The following BET1 variants were observed in gnomAD, a reference collection of about 807,000 sequenced individuals.
BET1 encodes the protein BET1 homolog.
Under a neutral mutation model 13.9 loss-of-function variants are expected in BET1, and 9 were observed. That is an observed-to-expected ratio of 0.65 (90% confidence interval 0.39 to 1.13). The LOEUF (loss-of-function observed/expected upper bound fraction) is 1.13, where lower values mean the gene tolerates loss of function less well. Among genes scored for constraint, BET1 ranks in the 50% most tolerant of loss-of-function variants. The pLI is 0.01. For synonymous variants in BET1, 39 were observed against 47.3 expected, an observed-to-expected ratio of 0.82 and a Z score of 0.72; for missense variants, 127 against 133.6, an observed-to-expected ratio of 0.95 and a Z score of 0.24.
At chr7:93,989,738 T>C (rs1024837447), downstream of BET1, among the ~76,000 whole-genome samples, 4 of 152,234 alleles carry the variant, frequency 2.6e-5, no homozygotes, top group African/African-American at 4.8e-5. Context: ...CAAAAGAGTG[T>C]GTAACCAATA....
At chr7:93,981,190 C>T (rs1279658329) in intron 4 of BET1, among the ~76,000 whole-genome samples, 12 of 152,182 alleles carry the variant, frequency 7.9e-5, no homozygotes, top group Admixed American at 5.9e-4. Flanking sequence ...CTCCTAACTG[C>T]TTTTCACAGT....
intron 5 of BET1, among the ~76,000 whole-genome samples, chr7:93,975,297 A>G (rs1795319210): frequency 6.6e-6 from 1 of 152,130 alleles, no homozygotes; most frequent in Non-Finnish European, 1.5e-5. Context: ...GTATTTTTCT[A>G]TTTTTATAAC....
At chr7:93,982,947 C>G (rs1309582508) in intron 4 of BET1, among the ~76,000 whole-genome samples, 2 of 152,216 alleles carry the variant, frequency 1.3e-5, no homozygotes, top group Non-Finnish European at 1.5e-5. Flanking sequence ...TTCTGATGTT[C>G]TTTAGCACTG....
At chr7:93,972,285 G>A (rs375728027) in intron 6 of BET1, 4 of 151,958 alleles carry the variant, frequency 2.6e-5, no homozygotes, top group Middle Eastern at 3.4e-3. Flanking sequence ...TGCATGAAAT[G>A]CTATCATTGT....
At position 93,997,426 on chromosome 7, in the gene BET1, C is replaced by T. The variant is rs118170824; in HGVS notation, c.145-1105G>A. 9.7e-3 allele frequency among the ~76,000 whole-genome samples: 1,473 copies of T among 152,298 alleles called. 7 individuals carry two copies. Among genetic ancestry groups the T allele is most frequent in the Non-Finnish European group, 0.016 (1,072 of 68,018 alleles). Reference sequence around the variant, plus strand: ...ATTTCCAGGACATCACAACTTTCTTCTAACAAGTAATCTAAATTATCTACA... The same window carrying T: ...ATTTCCAGGACATCACAACTTTCTTTTAACAAGTAATCTAAATTATCTACA... On this transcript the variant is annotated intron_variant, in intron 2 of 3. Transcript: ENST00000222547.
chr7:93,976,898 G>T (rs112759078), intron 4 of BET1, among the ~76,000 whole-genome samples: 1 of 152,030 alleles, frequency 6.6e-6, no homozygotes, highest in East Asian at 1.9e-4. Context: ...TTCTGGCTTA[G>T]TTCTCACTTA....
At position 93,994,529 on chromosome 7, in the gene BET1, C is replaced by T. The variant is rs981223629; in HGVS notation, c.202-144G>A. On this transcript the variant is annotated intron_variant, in intron 3 of 3. Transcript: ENST00000222547. ...ATCAATTCAGGAGCCTGTTGATAAC[C>T]TTGGATAATCAGCCTGATTTCTCCA... 25 of 902,114 alleles carry T rather than the reference C, an allele frequency of 2.8e-5. 1 individual carries two copies. The Admixed American group carries it at 7.5e-4, about 27-fold the overall frequency. The allele number at this position is 902,114 out of a possible 1,614,324, so 55.9% of individuals were successfully genotyped here. A position where few individuals can be genotyped will look rare whatever the true frequency, so the allele number is the denominator to read the frequency against.
chr7:94,003,459 TA>T (rs58774597), intron 1 of BET1, among the ~76,000 whole-genome samples: 2,542 of 150,070 alleles, frequency 0.017, 34 homozygotes, highest in Middle Eastern at 0.048. Flanking sequence ...GGGTCTTCTT[TA>T]AAAAAAAAAT....
rs1584141793 is a variant in BET1 at position 93,993,758 on chromosome 7, G to A, written c.*472C>T. 8.8e-6 allele frequency: 12 copies of A among 1,363,892 alleles called. No individual in the cohort carries two copies. The highest frequency in any genetic ancestry group is 6.8e-5 in the Admixed American group (2 of 29,262). 84.5% of individuals were successfully genotyped at this position (1,363,892 alleles called of 1,614,324 possible). A position where few individuals can be genotyped will look rare whatever the true frequency, so the allele number is the denominator to read the frequency against. Reference sequence around the variant, plus strand: ...AGCCTACAATTTTAACTAAATAAAGGAGGAGAAGGGAGTATATCATTACAG... The same window carrying A: ...AGCCTACAATTTTAACTAAATAAAGAAGGAGAAGGGAGTATATCATTACAG... On this transcript the variant is annotated 3_prime_UTR_variant, in exon 4 of 4. Transcript: ENST00000222547.
intron 4 of BET1, among the ~76,000 whole-genome samples, chr7:93,980,050 A>T (rs943396060): frequency 6.6e-6 from 1 of 152,180 alleles, no homozygotes; most frequent in African/African-American, 2.4e-5. Context: ...ATAAATTCCT[A>T]GAAACCTACA....
chr7:93,992,436 T>C (rs79606755), downstream of BET1: 6 of 985,428 alleles, frequency 6.1e-6, no homozygotes, highest in African/African-American at 1.0e-4. Context: ...TCTCCTGTTT[T>C]CATTTTTAAG....
chr7:93,992,914 C>T, downstream of BET1: 1 of 985,338 alleles, frequency 1.0e-6, no homozygotes, highest in Non-Finnish European at 1.2e-6. Context: ...TGTTTAAGTC[C>T]CTTAACCACA....
chr7:93,975,591 C>T (rs1285499045), intron 5 of BET1, among the ~76,000 whole-genome samples: 3 of 151,954 alleles, frequency 2.0e-5, no homozygotes, highest in African/African-American at 7.2e-5. Flanking sequence ...GTTTATATGA[C>T]GTATTAGAAA....
At chr7:93,993,004 G>A, downstream of BET1, 2 of 984,772 alleles carry the variant, frequency 2.0e-6, no homozygotes, top group Non-Finnish European at 2.4e-6. Flanking sequence ...AACCCAAACT[G>A]ACAGGTTATT....
intron 1 of BET1, among the ~76,000 whole-genome samples, chr7:94,001,884 A>C (rs10257333): frequency 0.13 from 20,160 of 152,148 alleles, 3,907 homozygotes; most frequent in African/African-American, 0.43. Context: ...TCCTTTGTTT[A>C]GTTGCTTTTG....
At chr7:93,993,104 A>G (rs1795673373), downstream of BET1, 2 of 980,334 alleles carry the variant, frequency 2.0e-6, no homozygotes, top group African/African-American at 1.8e-5. Context: ...GATTTTTGAA[A>G]TAGAGTCAAG....
chr7:93,995,089 G>A (rs1056649826), intron 3 of BET1, among the ~76,000 whole-genome samples: 12 of 152,082 alleles, frequency 7.9e-5, no homozygotes, highest in Admixed American at 3.9e-4. Context: ...CAGGTAATCC[G>A]CCCACCTCAT....
At chr7:93,972,624 T>G (rs1167180418) in exon 6 of BET1, 1 of 151,734 alleles carries the variant, frequency 6.6e-6, no homozygotes, top group Non-Finnish European at 1.5e-5. Flanking sequence ...CTTTTCAGAG[T>G]GGTAGAAAGC....
Position 93,999,247 on chromosome 7 carries a change from T to C in BET1, c.67A>G (p.Ser23Gly). ...TCTTCTTCACAGGCACTATACCCAC[T>C]ATTAGCATAGCCATAGTTCCCATAG... is the stretch of plus-strand genomic sequence containing the variant. ...GNYGNYGYANSGYSACEEENE... is the reference protein window; with the variant it reads ...GNYGNYGYANGGYSACEEENE... Residue 23 changes from serine to glycine, a missense_variant, in exon 2 of 4, where the codon AGT becomes GGT. Transcript: ENST00000222547. 6.2e-7 allele frequency: 1 copy of C among 1,613,418 alleles called. No individual in the cohort carries two copies.
Sources: gnomAD v4.1 joint callset for allele counts (sites outside exome capture counted in the v4.1 genomes callset) on GRCh38, gnomAD v4.1.1 for gene constraint, MANE v1.5 for transcripts, NCBI Gene and HGNC (gene_info 2026-07-23, HGNC 2026-07-21) for gene names.